The following ZFAND4 variants were observed in gnomAD, a reference collection of about 807,000 sequenced individuals.
ZFAND4 encodes the protein zinc finger AN1-type containing 4, also known as AN1-type zinc finger protein 4.
A neutral mutation model predicts 64.4 loss-of-function variants in ZFAND4; 43 were observed. The ratio of observed to expected loss-of-function variants is 0.67; its 90% CI spans 0.52 to 0.86. ZFAND4 has a LOEUF of 0.86. Among genes scored for constraint, ZFAND4 ranks in the 40% least tolerant of loss-of-function variants. The pLI, the probability that ZFAND4 is intolerant of heterozygous loss-of-function variation, is 0.00. For synonymous variants in ZFAND4, 296 were observed against 305.7 expected (o/e 0.97, Z 0.33); for missense variants, 929 against 859.8 (o/e 1.08, Z -1.01).
At chr10:45,637,215 C>T (rs955783738) in intron 6 of ZFAND4, among the ~76,000 whole-genome samples, 2 of 151,698 alleles carry the variant, frequency 1.3e-5, no homozygotes, top group Admixed American at 1.3e-4. Flanking sequence ...GTGGCACATG[C>T]CTGTAGTCCC....
intron 5 of ZFAND4, among the ~76,000 whole-genome samples, chr10:45,640,618 G>A (rs1212490716): frequency 6.6e-6 from 1 of 152,068 alleles, no homozygotes; most frequent in East Asian, 1.9e-4. Flanking sequence ...AGCCTCCCAA[G>A]TAGCTGGGAC....
chr10:45,647,600 T>C (rs1298314707), intron 5 of ZFAND4, among the ~76,000 whole-genome samples: 2 of 152,084 alleles, frequency 1.3e-5, no homozygotes, highest in East Asian at 3.9e-4. Context: ...TGTCATCTAT[T>C]CTCCCAGAGA....
At position 45,663,527 on chromosome 10, in the gene ZFAND4, A is replaced by T; in HGVS notation, c.184+15T>A. ...ATTTAATTTTCATATCCTAAAAACA[A>T]AGAAAGATGAGTACCTTCCAATCTT... On this transcript the variant is annotated intron_variant, in intron 2 of 9. Coordinates refer to ENST00000344646, the MANE Select transcript of ZFAND4 (RefSeq NM_174890.4). 1 of 1,557,000 alleles carries T rather than the reference A, an allele frequency of 6.4e-7. No individual in the cohort carries two copies. Among genetic ancestry groups the T allele is most frequent in the Non-Finnish European group, 8.6e-7 (1 of 1,157,194 alleles).
chr10:45,656,850 G>T (rs1458421598), intron 2 of ZFAND4, among the ~76,000 whole-genome samples: 1 of 152,032 alleles, frequency 6.6e-6, no homozygotes, highest in Non-Finnish European at 1.5e-5. Context: ...TACCGTGAGA[G>T]GATGTAGAAA....
intron 2 of ZFAND4, among the ~76,000 whole-genome samples, chr10:45,655,440 C>G (rs2048033931): frequency 6.6e-6 from 1 of 152,156 alleles, no homozygotes. Context: ...TGATGTGTAA[C>G]ATCACACCTC....
intron 8 of ZFAND4, among the ~76,000 whole-genome samples, chr10:45,621,677 G>C (rs1316774521): frequency 6.6e-6 from 1 of 152,130 alleles, no homozygotes; most frequent in East Asian, 1.9e-4. Flanking sequence ...GGGAGGTGGA[G>C]CTTGCAGTGA....
chr10:45,634,649 C>G (rs1049040366), intron 6 of ZFAND4, among the ~76,000 whole-genome samples: 2 of 151,834 alleles, frequency 1.3e-5, no homozygotes, highest in Admixed American at 6.6e-5. Context: ...TACTAGAAGT[C>G]CTAGCTGGAG....
At chr10:45,622,608 T>C (rs1233368539) in intron 8 of ZFAND4, among the ~76,000 whole-genome samples, 2 of 152,242 alleles carry the variant, frequency 1.3e-5, no homozygotes, top group African/African-American at 4.8e-5. Context: ...TTCTAGATTG[T>C]GGATCTTCAG....
chr10:45,667,650 G>T (rs2048918870), intron 1 of ZFAND4, among the ~76,000 whole-genome samples: 1 of 151,890 alleles, frequency 6.6e-6, no homozygotes, highest in Non-Finnish European at 1.5e-5. Context: ...TGTATTTTTA[G>T]TAGAGACAAG....
At chr10:45,660,097 G>A (rs1414369013) in intron 2 of ZFAND4, among the ~76,000 whole-genome samples, 1 of 149,866 alleles carries the variant, frequency 6.7e-6, no homozygotes, top group Non-Finnish European at 1.5e-5. Flanking sequence ...AGGAGGCAGA[G>A]CTTGCAGTGA....
chr10:45,635,202 A>C (rs528207901), intron 6 of ZFAND4, among the ~76,000 whole-genome samples: 1,811 of 145,862 alleles, frequency 0.012, 16 homozygotes, highest in Non-Finnish European at 0.019. Flanking sequence ...AAGCAAAAAA[A>C]AAAAAAAAAA....
At chr10:45,662,617 T>C in intron 2 of ZFAND4, 2 of 985,442 alleles carry the variant, frequency 2.0e-6, no homozygotes, top group African/African-American at 3.5e-5. Context: ...CAAGAGTCAT[T>C]ACTGAATGTG....
At chr10:45,624,363 C>T (rs1045791684) in intron 8 of ZFAND4, among the ~76,000 whole-genome samples, 2 of 152,080 alleles carry the variant, frequency 1.3e-5, no homozygotes, top group African/African-American at 4.8e-5. Flanking sequence ...ACACCTCTTC[C>T]AAGATAATAT....
intron 2 of ZFAND4, among the ~76,000 whole-genome samples, chr10:45,656,240 AGAAG>A (rs2048094630): frequency 5.9e-5 from 1 of 16,914 alleles, no homozygotes; most frequent in Non-Finnish European, 1.1e-4. Context: ...AAAAGAAAAG[AGAAG>A]AGAAGAGAAG....
At position 45,657,535 on chromosome 10, in the gene ZFAND4, T is replaced by G. The variant is rs548154368; in HGVS notation, c.185-4476A>C. ...CCACTCTGGAAAATAATTTAGCAGTTTTATAAAGTTAACTATATACTTCCT... is the reference window on the plus strand; with the variant it reads ...CCACTCTGGAAAATAATTTAGCAGTGTTATAAAGTTAACTATATACTTCCT... On this transcript the variant is annotated intron_variant, in intron 2 of 9. Transcript: ENST00000344646. 1.3e-3 allele frequency among the ~76,000 whole-genome samples: 194 copies of G among 152,338 alleles called. 1 individual carries two copies. The highest frequency in any genetic ancestry group is 4.3e-3 in the African/African-American group (179 of 41,588).
At chr10:45,654,927 C>T (rs981835480) in intron 2 of ZFAND4, among the ~76,000 whole-genome samples, 1 of 152,096 alleles carries the variant, frequency 6.6e-6, no homozygotes, top group African/African-American at 2.4e-5. Context: ...ACTCCACTGA[C>T]AGCACTAGAC....
rs558226387 is a variant in ZFAND4 at position 45,665,015 on chromosome 10, A to G, written c.-117-1173T>C. Among the ~76,000 whole-genome samples, 47 of 152,330 alleles carry G rather than the reference A, an allele frequency of 3.1e-4. No individual in the cohort carries two copies. The South Asian group carries it at 9.5e-3, about 31-fold the overall frequency. On this transcript the variant is annotated intron_variant, in intron 1 of 9. Coordinates refer to ENST00000344646, the MANE Select transcript of ZFAND4 (RefSeq NM_174890.4). ...CATTCAGATGACATTAGAATTGGTA[A>G]TAAGTATTAGACAATCTCTGCTCAC...
At position 45,663,769 on chromosome 10, in the gene ZFAND4, T is replaced by C. The variant is rs775710391; in HGVS notation, c.-44A>G. On this transcript the variant is annotated 5_prime_UTR_variant, in exon 2 of 10. Coordinates refer to ENST00000344646, the MANE Select transcript of ZFAND4 (RefSeq NM_174890.4). ...TCTTCTAAAATATGTCGCAGGCAAC[T>C]GTATTCCAGTTCTAGGCAAACCAGG... 1 of 1,514,484 alleles carries C rather than the reference T, an allele frequency of 6.6e-7. No homozygotes were observed. The highest frequency in any genetic ancestry group is 8.9e-7 in the Non-Finnish European group (1 of 1,124,776). 93.8% of individuals were successfully genotyped at this position (1,514,484 alleles called of 1,614,324 possible).
intron 4 of ZFAND4, chr10:45,648,839 A>C (rs1470348389): frequency 1.4e-6 from 1 of 693,044 alleles, no homozygotes; most frequent in African/African-American, 1.9e-5. Context: ...ATGTCACTAG[A>C]GTCTGTGTAT....
Sources: gnomAD v4.1 joint callset for allele counts (sites outside exome capture counted in the v4.1 genomes callset) on GRCh38, gnomAD v4.1.1 for gene constraint, MANE v1.5 for transcripts, NCBI Gene and HGNC (gene_info 2026-07-23, HGNC 2026-07-21) for gene names.